Variants in PACRG observed in about 807,000 individuals in gnomAD.
PACRG encodes parkin coregulated.
Under a neutral mutation model 29.7 loss-of-function variants are expected in PACRG, and 29 were observed. That is an observed-to-expected ratio of 0.98 (90% CI 0.73 to 1.33). The LOEUF is 1.33. Ranked by LOEUF, PACRG falls within the 40% of genes most tolerant of loss-of-function variation. PACRG has a pLI of 0.00. For synonymous variants in PACRG, 116 were observed against 118.7 expected, an observed-to-expected ratio of 0.98 and a Z score of 0.15; for missense variants, 279 against 316.2, an observed-to-expected ratio of 0.88 and a Z score of 0.89.
intron 2 of PACRG, chr6:162,997,556 G>A (rs1804185007): frequency 5.2e-6 from 2 of 380,966 alleles, no homozygotes; most frequent in Admixed American, 3.3e-5. Flanking sequence ...TGGGCCCAAG[G>A]ATTCATAACA....
chr6:163,230,542 G>T (rs1057422482), intron 4 of PACRG, among the ~76,000 whole-genome samples: 1 of 152,062 alleles, frequency 6.6e-6, no homozygotes, highest in Non-Finnish European at 1.5e-5. Context: ...TTCGACTTTT[G>T]AATAGACATT....
chr6:163,043,197 G>A (rs1808924997), intron 2 of PACRG: 1 of 152,180 alleles, frequency 6.6e-6, no homozygotes, highest in Admixed American at 6.5e-5. Context: ...GGAGCACCAA[G>A]AGAGTTTAAG....
At chr6:162,757,274 T>C (rs1190633368) in intron 1 of PACRG, among the ~76,000 whole-genome samples, 1 of 152,224 alleles carries the variant, frequency 6.6e-6, no homozygotes, top group African/African-American at 2.4e-5. Flanking sequence ...CTATAATTTT[T>C]ATTTGTATAT....
intron 2 of PACRG, among the ~76,000 whole-genome samples, chr6:162,952,145 A>G (rs1337083614): frequency 6.6e-6 from 1 of 152,176 alleles, no homozygotes; most frequent in African/African-American, 2.4e-5. Flanking sequence ...CTAGTAAATT[A>G]GCTCTTCCCT....
intron 2 of PACRG, among the ~76,000 whole-genome samples, chr6:162,947,623 T>C (rs1482707322): frequency 1.5e-4 from 5 of 33,870 alleles, no homozygotes; most frequent in Non-Finnish European, 3.1e-4. Context: ...TATATATATA[T>C]ATATATATAT....
intron 1 of PACRG, among the ~76,000 whole-genome samples, chr6:162,738,598 C>T (rs1016845935): frequency 6.6e-6 from 1 of 152,128 alleles, no homozygotes; most frequent in Non-Finnish European, 1.5e-5. Context: ...TTTGTAGATC[C>T]TTACAATGTC....
chr6:162,859,485 G>T (rs1343614055), intron 2 of PACRG, among the ~76,000 whole-genome samples: 1 of 152,020 alleles, frequency 6.6e-6, no homozygotes, highest in Non-Finnish European at 1.5e-5. Flanking sequence ...TTCAGAACAC[G>T]CTACCCCAAA....
In PACRG at chr6:162,851,535, T is replaced by A. The variant is rs1422116943; in HGVS notation, c.291+37254T>A. Among the ~76,000 whole-genome samples the A allele has an allele frequency of 6.6e-5, 10 of 152,208 alleles. No homozygotes were observed. In the East Asian group the frequency reaches 1.9e-3, roughly 29 times the overall value. On this transcript the variant is annotated intron_variant, in intron 2 of 4. Transcript: ENST00000366888. ...TGACATTTAAAAATAAAATTATTTT[T>A]TTCACTCTGTTAATTGTATCCAGCC...
chr6:163,281,213 G>T (rs12525217), intron 4 of PACRG, among the ~76,000 whole-genome samples: 54,465 of 151,874 alleles, frequency 0.36, 9,970 homozygotes, highest in Non-Finnish European at 0.39. Flanking sequence ...TGCGAGCTTG[G>T]GGGTGCAGAG....
At chr6:162,937,217 T>C (rs1371041223) in intron 2 of PACRG, among the ~76,000 whole-genome samples, 1 of 152,246 alleles carries the variant, frequency 6.6e-6, no homozygotes, top group African/African-American at 2.4e-5. Context: ...TTTATATTCT[T>C]CTAGTAGCCA....
intron 1 of PACRG, among the ~76,000 whole-genome samples, chr6:162,771,745 T>C (rs2128303201): frequency 6.6e-6 from 1 of 152,310 alleles, no homozygotes; most frequent in South Asian, 2.1e-4. Flanking sequence ...TTCTTTGGAA[T>C]ACATAACTCT....
chr6:163,222,592 A>G (rs561119323), intron 4 of PACRG, among the ~76,000 whole-genome samples: 156 of 152,272 alleles, frequency 1.0e-3, no homozygotes, highest in African/African-American at 3.4e-3. Context: ...AAAAATATAT[A>G]TATGTGAACA....
chr6:163,112,136 C>G, intron 4 of PACRG: 1 of 666,090 alleles, frequency 1.5e-6, no homozygotes, highest in South Asian at 6.7e-5. Flanking sequence ...ATCTGCCTCC[C>G]TACCTAGACA....
At chr6:163,217,985 TC>T (rs1380819819) in intron 4 of PACRG, among the ~76,000 whole-genome samples, 1 of 152,084 alleles carries the variant, frequency 6.6e-6, no homozygotes, top group Non-Finnish European at 1.5e-5. Context: ...CGTGAAACCC[TC>T]CCCGACACTG....
At chr6:162,909,913 A>G (rs1242715885) in intron 2 of PACRG, among the ~76,000 whole-genome samples, 1 of 152,230 alleles carries the variant, frequency 6.6e-6, no homozygotes, top group Non-Finnish European at 1.5e-5. Context: ...GTTTTACACT[A>G]GAATAATTTC....
At chr6:162,784,701 C>G (rs766540418) in intron 1 of PACRG, among the ~76,000 whole-genome samples, 1 of 152,060 alleles carries the variant, frequency 6.6e-6, no homozygotes, top group Non-Finnish European at 1.5e-5. Flanking sequence ...TATTGATATT[C>G]TATGAAATAA....
At chr6:162,827,688 A>T (rs1347895482) in intron 2 of PACRG, among the ~76,000 whole-genome samples, 5 of 152,132 alleles carry the variant, frequency 3.3e-5, no homozygotes, top group Non-Finnish European at 4.4e-5. Context: ...TACATCAGAC[A>T]TCTCTGTGCA....
At chr6:162,956,846 A>G (rs1236168881) in intron 2 of PACRG, among the ~76,000 whole-genome samples, 1 of 152,184 alleles carries the variant, frequency 6.6e-6, no homozygotes, top group Admixed American at 6.5e-5. Context: ...CTGGGGGTTA[A>G]GAGTTCAACT....
At chr6:163,247,766 A>G (rs1013661495) in intron 4 of PACRG, among the ~76,000 whole-genome samples, 1 of 152,122 alleles carries the variant, frequency 6.6e-6, no homozygotes, top group African/African-American at 2.4e-5. Context: ...TTCACCGTCT[A>G]CCTGCCACTG....
Sources: allele counts gnomAD v4.1 joint callset (sites outside exome capture counted in the v4.1 genomes callset), GRCh38; gene constraint gnomAD v4.1.1; transcripts MANE v1.5; gene names NCBI Gene and HGNC (gene_info 2026-07-23, HGNC 2026-07-21).